The following ARFGEF1 variants were observed in gnomAD, a reference collection of about 807,000 sequenced individuals.
The protein encoded by ARFGEF1 is ARF guanine nucleotide exchange factor 1, also known as brefeldin A-inhibited guanine nucleotide-exchange protein 1.
ARFGEF1 carries 42 observed loss-of-function variants against 231.0 expected under a neutral mutation model. That is an observed-to-expected ratio of 0.18 (90% confidence interval 0.14 to 0.24). The LOEUF (loss-of-function observed/expected upper bound fraction) is 0.24, where lower values mean the gene tolerates loss of function less well. Ranked by LOEUF, ARFGEF1 falls within the 10% of genes least tolerant of loss-of-function variation. The pLI, the probability that ARFGEF1 is intolerant of heterozygous loss-of-function variation, is 1.00. For missense variants in ARFGEF1, 1,345 were observed against 2,192.0 expected, an observed-to-expected ratio of 0.61 and a Z score of 7.72; for synonymous variants, 710 against 732.3, an observed-to-expected ratio of 0.97 and a Z score of 0.49.
chr8:67,337,796 C>G (rs1808416555), intron 1 of ARFGEF1, among the ~76,000 whole-genome samples: 1 of 152,172 alleles, frequency 6.6e-6, no homozygotes. Flanking sequence ...CTTCTGAACT[C>G]TTTCTTCTGA....
chr8:67,174,709 G>A (rs1193501225), downstream of ARFGEF1: 1 of 152,156 alleles, frequency 6.6e-6, no homozygotes, highest in Non-Finnish European at 1.5e-5. Context: ...AGCTGGCAGT[G>A]AGCCAAGACC....
downstream of ARFGEF1, chr8:67,195,511 A>G (rs775187286): frequency 6.2e-7 from 1 of 1,614,110 alleles, no homozygotes; most frequent in African/African-American, 1.3e-5. Context: ...TTCATGGCAG[A>G]GCAGCTGAAC....
In ARFGEF1 at chr8:67,343,543, C is replaced by T; in HGVS notation, c.-256G>A. The T allele has an allele frequency of 8.7e-7, 1 of 1,150,094 alleles. No individual in the cohort carries two copies. Among genetic ancestry groups the T allele is most frequent in the Non-Finnish European group, 1.1e-6 (1 of 934,804 alleles). The allele number at this position is 1,150,094 out of a possible 1,614,324, so 71.2% of individuals were successfully genotyped here. A position where few individuals can be genotyped will look rare whatever the true frequency, so the allele number is the denominator to read the frequency against. ...CCGCGCCCGTCGGGCCTCCGCTTCT[C>T]CCGGCCCGGGGGTCGCGTCCCGGCC... is the stretch of plus-strand genomic sequence containing the variant. On this transcript the variant is annotated 5_prime_UTR_variant, in exon 1 of 39. Coordinates refer to ENST00000262215, the MANE Select transcript of ARFGEF1 (RefSeq NM_006421.5).
intron 30 of ARFGEF1, 134 bp downstream of exon 30, chr8:67,219,297 C>T (rs2128866801): frequency 9.8e-7 from 1 of 1,021,746 alleles, no homozygotes; most frequent in Non-Finnish European, 1.4e-6. Context: ...CATAGTATTA[C>T]ATTCTCATGC....
chr8:67,287,248 T>C (rs1805797347), intron 7 of ARFGEF1, among the ~76,000 whole-genome samples: 1 of 152,194 alleles, frequency 6.6e-6, no homozygotes, highest in South Asian at 2.1e-4. Flanking sequence ...TCCTGGAATT[T>C]TCGTACATGG....
At chr8:67,195,714 A>G, downstream of ARFGEF1, 1 of 706,114 alleles carries the variant, frequency 1.4e-6, no homozygotes, top group South Asian at 1.9e-5. Flanking sequence ...TCATCTGTAT[A>G]TAAAATTATT....
downstream of ARFGEF1, chr8:67,193,593 A>G (rs1378298538): frequency 6.2e-6 from 10 of 1,613,184 alleles, no homozygotes; most frequent in Admixed American, 1.2e-4. Flanking sequence ...CAATAAACCT[A>G]TTAATACAGG....
chr8:67,283,293 A>G (rs1805614118), intron 7 of ARFGEF1, among the ~76,000 whole-genome samples: 1 of 152,196 alleles, frequency 6.6e-6, no homozygotes, highest in African/African-American at 2.4e-5. Context: ...GTAAGAATGT[A>G]TATCACACCA....
chr8:67,252,531 T>C (rs1056731838), intron 18 of ARFGEF1, among the ~76,000 whole-genome samples: 1 of 152,136 alleles, frequency 6.6e-6, no homozygotes, highest in Non-Finnish European at 1.5e-5. Context: ...TCTCCTGCCA[T>C]TTGGATTTTA....
downstream of ARFGEF1, among the ~76,000 whole-genome samples, chr8:67,193,925 CATT>C (rs1837136067): frequency 6.6e-6 from 1 of 152,188 alleles, no homozygotes; most frequent in Non-Finnish European, 1.5e-5. Context: ...TAAAGTAAAA[CATT>C]ATTAGAAATT....
chr8:67,221,146 A>T (rs1259446288), intron 29 of ARFGEF1, among the ~76,000 whole-genome samples: 15 of 152,222 alleles, frequency 9.9e-5, no homozygotes. Flanking sequence ...CTGCACTGCC[A>T]GTCGTATAAT....
At chr8:67,331,703 T>G (rs1305425994) in intron 1 of ARFGEF1, among the ~76,000 whole-genome samples, 1 of 152,150 alleles carries the variant, frequency 6.6e-6, no homozygotes, top group Non-Finnish European at 1.5e-5. Flanking sequence ...AAAGAGGAAT[T>G]TTTATGTCTT....
intron 33 of ARFGEF1, among the ~76,000 whole-genome samples, chr8:67,213,161 T>C (rs147043434): frequency 6.4e-4 from 97 of 152,330 alleles, no homozygotes; most frequent in African/African-American, 2.1e-3. Context: ...ATGATACTTT[T>C]CTGTGAAATC....
At chr8:67,230,084 A>G (rs1393505271) in intron 23 of ARFGEF1, among the ~76,000 whole-genome samples, 1 of 151,964 alleles carries the variant, frequency 6.6e-6, no homozygotes, top group Admixed American at 6.6e-5. Flanking sequence ...CCCAATTCCT[A>G]CTCACTGCCA....
chr8:67,239,972 G>C (rs1380520472), intron 20 of ARFGEF1, among the ~76,000 whole-genome samples, 190 bp downstream of exon 20: 3 of 152,302 alleles, frequency 2.0e-5, no homozygotes, highest in South Asian at 2.1e-4. Context: ...AACTTAGACA[G>C]ATCAGTATAG....
chr8:67,193,196 A>G (rs968619020), downstream of ARFGEF1, among the ~76,000 whole-genome samples: 1 of 152,006 alleles, frequency 6.6e-6, no homozygotes, highest in African/African-American at 2.4e-5. Context: ...AGCTCACTGC[A>G]GCCTCCACCT....
chr8:67,263,283 C>A (rs1439772370), intron 14 of ARFGEF1, among the ~76,000 whole-genome samples: 1 of 152,142 alleles, frequency 6.6e-6, no homozygotes, highest in East Asian at 1.9e-4. Flanking sequence ...TGCTCCAACA[C>A]CTGTCATTTG....
downstream of ARFGEF1, chr8:67,175,357 C>A: frequency 6.2e-7 from 1 of 1,613,930 alleles, no homozygotes; most frequent in South Asian, 1.1e-5. Flanking sequence ...ATCATCACAC[C>A]TTAGAGATTC....
In ARFGEF1 at chr8:67,219,385, A is replaced by C. The variant is rs200665958; in HGVS notation, c.4338+46T>G. On this transcript the variant is annotated intron_variant, in intron 30 of 38. Coordinates refer to ENST00000262215, the MANE Select transcript of ARFGEF1 (RefSeq NM_006421.5). Reference sequence around the variant, plus strand: ...AAATGTATTGATTATAATACTGAGAATCTTTTAACTTGACTAAGCTAAATG... The same window carrying C: ...AAATGTATTGATTATAATACTGAGACTCTTTTAACTTGACTAAGCTAAATG... 8 of 1,577,248 alleles carry C rather than the reference A, an allele frequency of 5.1e-6. No homozygotes were observed. In the East Asian group the frequency reaches 1.6e-4, roughly 31 times the overall value.
Sources: gnomAD v4.1 joint callset for allele counts (sites outside exome capture counted in the v4.1 genomes callset) on GRCh38, gnomAD v4.1.1 for gene constraint, MANE v1.5 for transcripts, NCBI Gene and HGNC (gene_info 2026-07-23, HGNC 2026-07-21) for gene names.